ZFP37: variants seen among roughly 807,000 people sequenced by gnomAD.
The protein encoded by ZFP37 is zinc finger protein 37 homolog.
ZFP37 carries 38 observed loss-of-function variants against 52.1 expected under a neutral mutation model. The ratio of observed to expected loss-of-function variants is 0.73; its 90% CI spans 0.56 to 0.96. The LOEUF is 0.96. Among genes scored for constraint, ZFP37 ranks in the 40% least tolerant of loss-of-function variants. The probability of loss-of-function intolerance (pLI) is 0.00; values close to 1 mark genes in which losing one functional copy is unlikely to be tolerated. For synonymous variants in ZFP37, 253 were observed against 259.5 expected, an observed-to-expected ratio of 0.98 and a Z score of 0.24; for missense variants, 695 against 741.4, an observed-to-expected ratio of 0.94 and a Z score of 0.73.
rs1828802962 is a variant in ZFP37, at chr9:113,038,772, C to T, written c.*3953G>A. The T allele has an allele frequency of 6.6e-6, 1 of 151,856 alleles. No individual in the cohort carries two copies. Among genetic ancestry groups the T allele is most frequent in the Non-Finnish European group, 1.5e-5 (1 of 67,982 alleles). 9.4% of individuals were successfully genotyped at this position (151,856 alleles called of 1,614,324 possible). A position where few individuals can be genotyped will look rare whatever the true frequency, so the allele number is the denominator to read the frequency against. ...CACACTCCAGTCTGGGTGACAGAGA[C>T]TTTGTCTCAAAACAAAATAAAACAA... On this transcript the variant is annotated 3_prime_UTR_variant, in exon 4 of 4. Coordinates refer to ENST00000374227, the MANE Select transcript of ZFP37 (RefSeq NM_003408.3).
In ZFP37 at chr9:113,056,669, A is replaced by T. The variant is rs2282076; in HGVS notation, c.20T>A (p.Val7Asp). 937,203 of 1,612,944 alleles carry T rather than the reference A, an allele frequency of 0.58. 274,940 individuals carry two copies. The highest frequency in any genetic ancestry group is 0.6 in the Non-Finnish European group (705,389 of 1,179,626). ...GGTCTCTGGCTTTGTCAGAATCTGG[A>T]CGCCGCTGGAGACCGACATGGCGGC... The part of the protein sequence containing the change: MSVSSG[V>D]QILTKPETVD... The change falls in exon 1 of 4, where the codon GTC (valine) becomes GAC (aspartate). Residue 7 changes from valine to aspartate, a missense_variant. Val to Asp is a radical substitution (Grantham distance 152). Coordinates refer to ENST00000374227, the MANE Select transcript of ZFP37 (RefSeq NM_003408.3).
At chr9:113,048,916 C>G (rs1266633345) in intron 3 of ZFP37, among the ~76,000 whole-genome samples, 1 of 151,094 alleles carries the variant, frequency 6.6e-6, no homozygotes, top group East Asian at 1.9e-4. Flanking sequence ...TTTTTTGCCT[C>G]TGCCATGAGA....
At position 113,043,327 on chromosome 9, in the gene ZFP37, T is replaced by C. The variant is rs923139993; in HGVS notation, c.1291A>G (p.Ile431Val). The change falls in exon 4 of 4, where the codon ATA becomes GTA. Residue 431 changes from isoleucine to valine, a missense_variant. Transcript: ENST00000374227. ...CCACATTCATTGCATTCATATGGTATTTCACCTGTATGTGTTCTCACATGT... is the reference window on the plus strand; with the variant it reads ...CCACATTCATTGCATTCATATGGTACTTCACCTGTATGTGTTCTCACATGT... ...TEHVRTHTGEIPYECNECGKA... is the reference protein window; with the variant it reads ...TEHVRTHTGEVPYECNECGKA... 1 of 1,614,096 alleles carries C rather than the reference T, an allele frequency of 6.2e-7. No individual in the cohort carries two copies. The highest frequency in any genetic ancestry group is 1.3e-5 in the African/African-American group (1 of 75,064).
At chr9:113,054,948 G>A (rs889615951) in intron 1 of ZFP37, among the ~76,000 whole-genome samples, 1 of 152,168 alleles carries the variant, frequency 6.6e-6, no homozygotes, top group African/African-American at 2.4e-5. Flanking sequence ...CAAGGTGTCA[G>A]TCAGAACAGA....
At chr9:113,055,575 C>T (rs563104308) in intron 1 of ZFP37, among the ~76,000 whole-genome samples, 2 of 152,290 alleles carry the variant, frequency 1.3e-5, no homozygotes, top group South Asian at 2.1e-4. Flanking sequence ...AATAAATGCT[C>T]ATCTTACAGA....
At chr9:113,046,343 T>C (rs1023307505) in intron 3 of ZFP37, among the ~76,000 whole-genome samples, 1 of 151,740 alleles carries the variant, frequency 6.6e-6, no homozygotes, top group Non-Finnish European at 1.5e-5. Flanking sequence ...ATTTAGGAAA[T>C]TTTAAGTGAT....
intron 1 of ZFP37, among the ~76,000 whole-genome samples, chr9:113,054,589 A>C (rs774827925): frequency 2.0e-5 from 3 of 152,154 alleles, no homozygotes; most frequent in Admixed American, 6.5e-5. Flanking sequence ...AGCCACTGAC[A>C]TCACCCCAGA....
rs1828855221 is a variant in ZFP37 at position 113,042,014 on chromosome 9, G to C, written c.*711C>G. ...AGATACATGTATATATGCATACAAA[G>C]ATACATACACATACAGAGATAAGAG... On this transcript the variant is annotated 3_prime_UTR_variant, in exon 4 of 4. Transcript: ENST00000374227. 1 of 151,924 alleles carries C rather than the reference G, an allele frequency of 6.6e-6. No homozygotes were observed. The highest frequency in any genetic ancestry group is 6.6e-5 in the Admixed American group (1 of 15,254). The allele number at this position is 151,924 out of a possible 1,614,324, so 9.4% of individuals were successfully genotyped here.
rs1828800198 is a variant in ZFP37 at position 113,038,613 on chromosome 9, T to A, written c.*4112A>T. ...GCCTGAGTAACATGGCAAAACTCTG[T>A]TTCCACCAAAAAAAAAAAAAAAAAA... On this transcript the variant is annotated 3_prime_UTR_variant, in exon 4 of 4. Transcript: ENST00000374227. 8.3e-6 allele frequency: 1 copy of A among 120,508 alleles called. No individual in the cohort carries two copies. The allele number at this position is 120,508 out of a possible 1,614,324, so 7.5% of individuals were successfully genotyped here.
Position 113,056,476 on chromosome 9 carries a change from C to T in ZFP37, c.132+81G>A. Reference sequence around the variant, plus strand: ...TTCCACCAATTCCCAAATCACCTATCGTCACAGACTACTCCAATCACTGCC... The same window carrying T: ...TTCCACCAATTCCCAAATCACCTATTGTCACAGACTACTCCAATCACTGCC... On this transcript the variant is annotated intron_variant, in intron 1 of 3. Transcript: ENST00000374227. 3.2e-6 allele frequency: 5 copies of T among 1,561,118 alleles called. No homozygotes were observed. In the South Asian group the frequency reaches 3.5e-5, roughly 11 times the overall value.
chr9:113,042,736 AT>A lies in ZFP37; in HGVS notation c.1881del (p.Lys627AsnfsTer80), dbSNP rs1564342578. 17 of 1,566,892 alleles carry A rather than the reference AT, an allele frequency of 1.1e-5. No individual in the cohort carries two copies. Among genetic ancestry groups the A allele is most frequent in the Admixed American group, 1.9e-5 (1 of 51,406 alleles). Reference sequence around the variant, plus strand: ...TTCCCACATTAACTTCACTCATGAGATTTATCTTCTGAATGAGTTTTCACAT... The same window carrying A: ...TTCCCACATTAACTTCACTCATGAGATTATCTTCTGAATGAGTTTTCACAT... Reference protein sequence around the residue: ...TKHVKTHSEDKSHE With the variant: ...TKHVKTHSEDXSHE On this transcript the variant is annotated frameshift_variant, in exon 4 of 4. Transcript: ENST00000374227. LOFTEE classifies it high-confidence loss of function.
intron 1 of ZFP37, among the ~76,000 whole-genome samples, chr9:113,051,768 A>G (rs1000782545): frequency 1.3e-5 from 2 of 152,016 alleles, no homozygotes; most frequent in African/African-American, 4.8e-5. Flanking sequence ...CCACCATTCA[A>G]TTACCTGCAA....
rs75593732 is a variant in ZFP37, at chr9:113,043,646, A to G, written c.972T>C (p.Asn324=). Residue 324 remains asparagine (N), a synonymous_variant, in exon 4 of 4, where the codon AAT becomes AAC. Coordinates refer to ENST00000374227, the MANE Select transcript of ZFP37 (RefSeq NM_003408.3). ...TTTGGCTAAAGGCTATCCCACATTCATTACATTCATATGGTTTCTCCCCAG... is the reference window on the plus strand; with the variant it reads ...TTTGGCTAAAGGCTATCCCACATTCGTTACATTCATATGGTTTCTCCCCAG... The part of the protein sequence containing the change: ...VHTGEKPYEC[N]ECGIAFSQKS... 474 of 1,614,066 alleles carry G rather than the reference A, an allele frequency of 2.9e-4. 3 individuals are homozygous for G. In the African/African-American group the frequency reaches 5.1e-3, roughly 17 times the overall value.
chr9:113,056,630 C>CT lies in ZFP37; in HGVS notation c.58dup (p.Arg20LysfsTer39). 1 of 1,613,964 alleles carries CT rather than the reference C, an allele frequency of 6.2e-7. No homozygotes were observed. On this transcript the variant is annotated frameshift_variant, in exon 1 of 4. Coordinates refer to ENST00000374227, the MANE Select transcript of ZFP37 (RefSeq NM_003408.3). LOFTEE classifies it high-confidence loss of function. ...GGCCTCTTTGGTCGTTTCCGCACTT[C>CT]TCCTCCGGTCCACGGTCTCTGGCTT...
At chr9:113,044,469 T>C (rs1004636266) in intron 3 of ZFP37, among the ~76,000 whole-genome samples, 1 of 152,166 alleles carries the variant, frequency 6.6e-6, no homozygotes, top group Non-Finnish European at 1.5e-5. Context: ...ACAATAGTGA[T>C]TTTTTAAAGT....
At chr9:113,046,251 A>AATATCTATATATATACAGGCAGATAT (rs1828951508) in intron 3 of ZFP37, among the ~76,000 whole-genome samples, 5 of 111,548 alleles carry the variant, frequency 4.5e-5, no homozygotes, top group African/African-American at 1.3e-4. Context: ...TAGACAGATA[A>AATATCTATATATATACAGGCAGATAT]ATATCTATAT....
In ZFP37 at chr9:113,041,032, C is replaced by G. The variant is rs1290435493; in HGVS notation, c.*1693G>C. On this transcript the variant is annotated 3_prime_UTR_variant, in exon 4 of 4. Transcript: ENST00000374227. ...CACTGTAACCTCCATCTCCTGGGTG[C>G]AAGCAACTCTCTTGCCTCAGCCTCC... 1 of 152,068 alleles carries G rather than the reference C, an allele frequency of 6.6e-6. No homozygotes were observed. Among genetic ancestry groups the G allele is most frequent in the Non-Finnish European group, 1.5e-5 (1 of 68,020 alleles). The allele number at this position is 152,068 out of a possible 1,614,324, so 9.4% of individuals were successfully genotyped here.
rs1266779387 is a variant in ZFP37 at position 113,041,690 on chromosome 9, A to G, written c.*1035T>C. ...TGAATTCAACATCAAGTTTCATACT[A>G]TATACTTTAGATTCATCATCATTCA... On this transcript the variant is annotated 3_prime_UTR_variant, in exon 4 of 4. Transcript: ENST00000374227. The G allele has an allele frequency of 6.6e-6, 1 of 152,204 alleles. No homozygotes were observed. Among genetic ancestry groups the G allele is most frequent in the Non-Finnish European group, 1.5e-5 (1 of 68,032 alleles). The allele number at this position is 152,204 out of a possible 1,614,324, so 9.4% of individuals were successfully genotyped here. A position where few individuals can be genotyped will look rare whatever the true frequency, so the allele number is the denominator to read the frequency against.
At chr9:113,056,507 A>T in intron 1 of ZFP37, 50 bp downstream of exon 1, 1 of 1,602,096 alleles carries the variant, frequency 6.2e-7, no homozygotes, top group South Asian at 1.1e-5. Flanking sequence ...CTGCCCCGCA[A>T]GTACACCATC....
Sources: gnomAD v4.1 joint callset for allele counts (sites outside exome capture counted in the v4.1 genomes callset) on GRCh38, gnomAD v4.1.1 for gene constraint, MANE v1.5 for transcripts, NCBI Gene and HGNC (gene_info 2026-07-23, HGNC 2026-07-21) for gene names.